Variants in NECTIN1 observed in about 807,000 individuals in gnomAD.
NECTIN1 encodes the protein nectin-1.
Under a neutral mutation model 48.0 loss-of-function variants are expected in NECTIN1, and 23 were observed. The observed-to-expected ratio is 0.48, with a 90% confidence interval of 0.34 to 0.68. The LOEUF is 0.68. NECTIN1 is among the 30% of genes least tolerant of loss of function. The probability of loss-of-function intolerance (pLI) is 0.01; values close to 1 mark genes in which losing one functional copy is unlikely to be tolerated. For missense variants in NECTIN1, 591 were observed against 709.9 expected, an observed-to-expected ratio of 0.83 and a Z score of 1.90; for synonymous variants, 270 against 288.9, an observed-to-expected ratio of 0.93 and a Z score of 0.66.
downstream of NECTIN1, chr11:119,660,947 C>T (rs887737147): frequency 6.5e-6 from 6 of 920,942 alleles, no homozygotes; most frequent in South Asian, 5.0e-5. Context: ...ACGCCTTCCC[C>T]GCCCCCACTG....
intron 1 of NECTIN1, among the ~76,000 whole-genome samples, chr11:119,694,144 C>T (rs910300975): frequency 2.6e-5 from 4 of 152,112 alleles, no homozygotes; most frequent in African/African-American, 9.7e-5. Context: ...ACTCCCCATT[C>T]ACAGAGGGGG....
Position 119,664,536 on chromosome 11 carries a change from T to G in NECTIN1, c.*211A>C. 1 of 1,417,456 alleles carries G rather than the reference T, an allele frequency of 7.1e-7. No homozygotes were observed. The highest frequency in any genetic ancestry group is 9.2e-7 in the Non-Finnish European group (1 of 1,089,256). The allele number at this position is 1,417,456 out of a possible 1,614,324, so 87.8% of individuals were successfully genotyped here. On this transcript the variant is annotated 3_prime_UTR_variant, in exon 6 of 6. Coordinates refer to ENST00000264025, the MANE Select transcript of NECTIN1 (RefSeq NM_002855.5). ...AAAGCCACAGTCGAACACAACACCA[T>G]GGGGAAGGGCGGAGGAGAGGGAGGA...
At position 119,680,862 on chromosome 11, in the gene NECTIN1, ATGGGT is replaced by A. The variant is rs1565389673; in HGVS notation, c.80-2102_80-2098del. Among the ~76,000 whole-genome samples, 618 of 152,250 alleles carry A rather than the reference ATGGGT, an allele frequency of 4.1e-3. 8 individuals carry two copies. The highest frequency in any genetic ancestry group is 0.014 in the African/African-American group (573 of 41,538). On this transcript the variant is annotated intron_variant, in intron 1 of 5. Coordinates refer to ENST00000264025, the MANE Select transcript of NECTIN1 (RefSeq NM_002855.5). ...CTGATGCTCCCTGGGCAGAGGCCCC[ATGGGT>A]TGGGAATACGATGGGAGAAGTATCC...
intron 5 of NECTIN1, among the ~76,000 whole-genome samples, chr11:119,643,896 T>C (rs1864359809): frequency 6.6e-6 from 1 of 152,238 alleles, no homozygotes; most frequent in Non-Finnish European, 1.5e-5. Context: ...GTCCTTGCAA[T>C]GATCCTGGGA....
chr11:119,686,598 A>AC (rs1865160096), intron 1 of NECTIN1, among the ~76,000 whole-genome samples: 1 of 150,676 alleles, frequency 6.6e-6, no homozygotes, highest in Admixed American at 6.6e-5. Context: ...GGCATCCCCA[A>AC]CCTCCAGCCA....
rs773158554 is a variant in NECTIN1 at position 119,639,864 on chromosome 11, C to T, written c.1151+1G>A. The T allele has an allele frequency of 1.9e-6, 3 of 1,613,990 alleles. No homozygotes were observed. Among genetic ancestry groups the T allele is most frequent in the African/African-American group, 2.7e-5 (2 of 74,922 alleles). On this transcript the variant is annotated splice_donor_variant, in intron 6 of 7. Transcript: ENST00000341398. LOFTEE classifies it high-confidence loss of function. ...AGTGGGCAGAGTCCTGCCTGGCTCA[C>T]CCGGCCCCATCCGTCTCCGGTGGGC... is the stretch of plus-strand genomic sequence containing the variant.
intron 6 of NECTIN1, chr11:119,639,433 T>A: frequency 4.4e-6 from 1 of 228,696 alleles, no homozygotes; most frequent in Non-Finnish European, 8.7e-6. Context: ...TGATTTATCC[T>A]GATGGTTGAG....
At chr11:119,640,078 A>T in intron 5 of NECTIN1, 1 of 1,486,358 alleles carries the variant, frequency 6.7e-7, no homozygotes, top group Non-Finnish European at 9.2e-7. Context: ...AGAGTCAGAG[A>T]TGTGAGAGAG....
chr11:119,707,365 T>C (rs1865566599), intron 1 of NECTIN1, among the ~76,000 whole-genome samples: 1 of 152,176 alleles, frequency 6.6e-6, no homozygotes, highest in Non-Finnish European at 1.5e-5. Flanking sequence ...CCCTACCCTG[T>C]ACCCACCACT....
chr11:119,728,499 C>A lies in NECTIN1; in HGVS notation c.55G>T (p.Gly19Cys). 2 of 1,601,534 alleles carry A rather than the reference C, an allele frequency of 1.2e-6. No homozygotes were observed. The highest frequency in any genetic ancestry group is 1.7e-6 in the Non-Finnish European group (2 of 1,174,820). ...AAGRWWGLAL[G>C]LTAFFLPGVH... The stretch of plus-strand genomic sequence containing the variant: ...CCTGGGAGGAAGAATGCGGTCAAGC[C>A]GAGAGCGAGTCCCCACCAGCGTCCA... Residue 19 changes from glycine to cysteine, a missense_variant, in exon 1 of 6, where the codon GGC becomes TGC. Physicochemically the swap from Gly to Cys is radical, Grantham distance 159 (BLOSUM62 -3). Transcript: ENST00000264025.
chr11:119,665,233 G>T lies in NECTIN1; in HGVS notation c.1068C>A (p.Ile356=), dbSNP rs1864744580. ...GRRAGPVPTA[I]IGGVAGSILL... The stretch of plus-strand genomic sequence containing the variant: ...GGATGCTCCCCGCCACGCCCCCAAT[G>T]ATGGCCGTGGGCACCGGCCCGGCGC... Residue 356 remains isoleucine (I), a synonymous_variant, in exon 6 of 6, where the codon ATC becomes ATA. Coordinates refer to ENST00000264025, the MANE Select transcript of NECTIN1 (RefSeq NM_002855.5). This position sits in a 1 kb window ranked among gnomAD's most constrained non-coding sequence, Gnocchi z 5.1. 2 of 1,602,308 alleles carry T rather than the reference G, an allele frequency of 1.2e-6. No homozygotes were observed. The highest frequency in any genetic ancestry group is 1.7e-6 in the Non-Finnish European group (2 of 1,178,438).
Position 119,677,236 on chromosome 11 carries a change from G to T in NECTIN1, c.734-17C>A, listed in dbSNP as rs774789133. On this transcript the variant is annotated splice_polypyrimidine_tract_variant and intron_variant, in intron 3 of 5. Transcript: ENST00000264025. This position sits in a 1 kb window ranked among gnomAD's most constrained non-coding sequence, Gnocchi z 5.4. The stretch of plus-strand genomic sequence containing the variant: ...CAGGCTCATCTGTGGGGCAAGGGAT[G>T]TTTGAAGAGGGTGAGGTCAGGAGAG... 1 of 1,601,948 alleles carries T rather than the reference G, an allele frequency of 6.2e-7. No individual in the cohort carries two copies. Among genetic ancestry groups the T allele is most frequent in the Non-Finnish European group, 8.6e-7 (1 of 1,168,936 alleles).
chr11:119,713,837 A>G (rs1865701755), intron 1 of NECTIN1: 5 of 455,692 alleles, frequency 1.1e-5, no homozygotes, highest in South Asian at 7.7e-5. Flanking sequence ...GAGGGGAGGC[A>G]CTGTTTGGGG....
Position 119,677,603 on chromosome 11 carries a change from T to C in NECTIN1, c.685A>G (p.Asn229Asp). 6.2e-7 allele frequency: 1 copy of C among 1,613,254 alleles called. No homozygotes were observed. Among genetic ancestry groups the C allele is most frequent in the East Asian group, 2.2e-5 (1 of 44,870 alleles). The part of the protein sequence containing the change: ...AHQQSLACIV[N>D]YHMDRFKESL... ...TCCTTGAAGCGGTCCATGTGGTAGT[T>C]GACGATGCAGGCCAAGGACTGCTGG... The change falls in exon 3 of 6, where the codon AAC (asparagine) becomes GAC (aspartate). Residue 229 changes from asparagine (N) to aspartate (D), a missense_variant. By Grantham distance (23) the Asn-to-Asp change is conservative. Transcript: ENST00000264025. This position sits in a 1 kb window ranked among gnomAD's most constrained non-coding sequence, Gnocchi z 5.4.
intron 1 of NECTIN1, among the ~76,000 whole-genome samples, chr11:119,724,704 C>A (rs1865883254): frequency 6.6e-6 from 1 of 152,196 alleles, no homozygotes. Context: ...CAGACACAAG[C>A]ACATACACCT....
chr11:119,638,643 T>A, intron 7 of NECTIN1: 1 of 1,249,716 alleles, frequency 8.0e-7, no homozygotes, highest in East Asian at 2.5e-5. Flanking sequence ...GGCTCTGTCT[T>A]CAGCTTGGGC....
In NECTIN1 at chr11:119,709,406, G is replaced by A. The variant is rs938147643; in HGVS notation, c.79+19069C>T. 1.3e-5 allele frequency among the ~76,000 whole-genome samples: 2 copies of A among 152,196 alleles called. No individual in the cohort carries two copies. The highest frequency in any genetic ancestry group is 2.4e-5 in the African/African-American group (1 of 41,448). ...CTGGGCCACTCTGCTACCTGGGGCC[G>A]GGGGAGAGCCTGCAGGGGCAGGGGC... On this transcript the variant is annotated intron_variant, in intron 1 of 5. Transcript: ENST00000264025. The surrounding 1 kb of genome is among the most constrained non-coding windows in gnomAD (Gnocchi z 4.1).
chr11:119,653,476 G>A (rs996465975), intron 5 of NECTIN1, among the ~76,000 whole-genome samples: 11 of 152,204 alleles, frequency 7.2e-5, no homozygotes, highest in African/African-American at 1.2e-4. Context: ...TGCCCTGAGG[G>A]ACACATCCCC....
chr11:119,665,433 C>T lies in NECTIN1; in HGVS notation c.1004-136G>A, dbSNP rs1591449593. Reference sequence around the variant, plus strand: ...ACCCCAGGTTTGAGCAGCTCCAGTTCGAGGCCCCGCAGCACTCCACCCATC... The same window carrying T: ...ACCCCAGGTTTGAGCAGCTCCAGTTTGAGGCCCCGCAGCACTCCACCCATC... On this transcript the variant is annotated intron_variant, in intron 5 of 5. Coordinates refer to ENST00000264025, the MANE Select transcript of NECTIN1 (RefSeq NM_002855.5). This position sits in a 1 kb window ranked among gnomAD's most constrained non-coding sequence, Gnocchi z 5.1. 3 of 1,415,396 alleles carry T rather than the reference C, an allele frequency of 2.1e-6. No homozygotes were observed. Among genetic ancestry groups the T allele is most frequent in the East Asian group, 2.5e-5 (1 of 40,072 alleles). 87.7% of individuals were successfully genotyped at this position (1,415,396 alleles called of 1,614,324 possible). A position where few individuals can be genotyped will look rare whatever the true frequency, so the allele number is the denominator to read the frequency against.
Sources: gnomAD v4.1 joint callset for allele counts (sites outside exome capture counted in the v4.1 genomes callset) on GRCh38, gnomAD v4.1.1 for gene constraint, Gnocchi (gnomAD v3.1) non-coding constraint, MANE v1.5 for transcripts, NCBI Gene and HGNC (gene_info 2026-07-23, HGNC 2026-07-21) for gene names.